Variants in MAP2K5 observed in about 807,000 individuals in gnomAD.
MAP2K5 encodes mitogen-activated protein kinase kinase 5.
MAP2K5 carries 49 observed loss-of-function variants against 83.1 expected under a neutral mutation model. The observed-to-expected ratio is 0.59, with a 90% CI of 0.47 to 0.75. MAP2K5 has a LOEUF of 0.75. MAP2K5 is among the 30% of genes least tolerant of loss of function. MAP2K5 has a pLI of 0.00. For missense variants in MAP2K5, 457 were observed against 557.5 expected, an observed-to-expected ratio of 0.82 and a Z score of 1.82; for synonymous variants, 202 against 191.8, an observed-to-expected ratio of 1.05 and a Z score of -0.44.
intron 15 of MAP2K5, among the ~76,000 whole-genome samples, chr15:67,696,112 G>A (rs551629544): frequency 2.2e-5 from 3 of 135,312 alleles, no homozygotes; most frequent in African/African-American, 8.4e-5. Context: ...AGTCTCTTGA[G>A]AGAAAAGAGC....
At chr15:67,718,682 T>A (rs1226376543) in intron 16 of MAP2K5, among the ~76,000 whole-genome samples, 1 of 152,144 alleles carries the variant, frequency 6.6e-6, no homozygotes, top group Non-Finnish European at 1.5e-5. Context: ...GAGAATCGCT[T>A]GAACCTGAGA....
chr15:67,598,854 T>G (rs1414925090), intron 7 of MAP2K5, among the ~76,000 whole-genome samples: 1 of 152,176 alleles, frequency 6.6e-6, no homozygotes, highest in Non-Finnish European at 1.5e-5. Flanking sequence ...CTTGAGTGAG[T>G]GAAATGTCTC....
chr15:67,696,493 G>A (rs2088264215), intron 15 of MAP2K5, among the ~76,000 whole-genome samples: 1 of 152,164 alleles, frequency 6.6e-6, no homozygotes, highest in Non-Finnish European at 1.5e-5. Context: ...CTATGCCAGT[G>A]AAAGTTGTAT....
At chr15:67,624,589 TTGTGTGTGTGTGTGTGTGTGTGTGTGTG>T (rs71142388) in intron 8 of MAP2K5, among the ~76,000 whole-genome samples, 7 of 141,802 alleles carry the variant, frequency 4.9e-5, no homozygotes, top group Admixed American at 2.1e-4. Context: ...CACGATCTCT[TTGTGTGTGTGTGTGTGTGTGTGTGTGTG>T]TGTGTGTGTG....
At chr15:67,685,581 A>C (rs1201424291) in intron 13 of MAP2K5, among the ~76,000 whole-genome samples, 2 of 152,216 alleles carry the variant, frequency 1.3e-5, no homozygotes, top group Non-Finnish European at 2.9e-5. Flanking sequence ...ATTTAAAGGA[A>C]AAATAAAGAC....
chr15:67,656,949 CT>C (rs2087097897), intron 11 of MAP2K5, among the ~76,000 whole-genome samples: 1 of 152,180 alleles, frequency 6.6e-6, no homozygotes, highest in African/African-American at 2.4e-5. Context: ...AACAGGAACT[CT>C]TAATCCTGAG....
rs1678497801 is a variant in MAP2K5 at position 67,775,557 on chromosome 15, C to T, written c.1242+2805C>T. ...CCATTGTGCACAGTCTTGTTCTAGA[C>T]TCAGCAGAAGATATAAAGTAGAGGA... On this transcript the variant is annotated intron_variant, in intron 21 of 21. Transcript: ENST00000178640. This position sits in a 1 kb window ranked among gnomAD's most constrained non-coding sequence, Gnocchi z 5.3. Among the ~76,000 whole-genome samples the T allele has an allele frequency of 6.6e-6, 1 of 152,176 alleles. No homozygotes were observed. Among genetic ancestry groups the T allele is most frequent in the Admixed American group, 6.5e-5 (1 of 15,282 alleles).
intron 2 of MAP2K5, among the ~76,000 whole-genome samples, chr15:67,550,786 T>G (rs1456726447): frequency 6.6e-6 from 1 of 151,960 alleles, no homozygotes; most frequent in African/African-American, 2.4e-5. Context: ...TCTTTTTTTT[T>G]TTTGCCGCAG....
chr15:67,628,701 G>A (rs2086385402), intron 8 of MAP2K5: 7 of 845,712 alleles, frequency 8.3e-6, no homozygotes, highest in Non-Finnish European at 1.4e-5. Context: ...GGTGAAGTTA[G>A]GAAAGCCCTG....
In MAP2K5 at chr15:67,793,166, C is replaced by T. The variant is rs187425762; in HGVS notation, c.1243-13480C>T. Among the ~76,000 whole-genome samples, 326 of 152,236 alleles carry T rather than the reference C, an allele frequency of 2.1e-3. 1 individual carries two copies. The highest frequency in any genetic ancestry group is 7.3e-3 in the African/African-American group (302 of 41,538). ...AAAGTTAAATTTACTTCCAGCTACT[C>T]GGGAAACTGAAACAGGATCATCTGA... On this transcript the variant is annotated intron_variant, in intron 21 of 21. Coordinates refer to ENST00000178640, the MANE Select transcript of MAP2K5 (RefSeq NM_145160.3). This position sits in a 1 kb window ranked among gnomAD's most constrained non-coding sequence, Gnocchi z 4.6.
chr15:67,594,072 G>A (rs894191586), intron 7 of MAP2K5, among the ~76,000 whole-genome samples: 6 of 152,164 alleles, frequency 3.9e-5, no homozygotes, highest in African/African-American at 1.2e-4. Context: ...TAGAAGAAAT[G>A]AAGTTGATCT....
In MAP2K5 at chr15:67,543,584, T is replaced by C. The variant is rs969534150; in HGVS notation, c.135+114T>C. 1 of 1,237,934 alleles carries C rather than the reference T, an allele frequency of 8.1e-7. No individual in the cohort carries two copies. Among genetic ancestry groups the C allele is most frequent in the Non-Finnish European group, 1.1e-6 (1 of 871,816 alleles). 76.7% of individuals were successfully genotyped at this position (1,237,934 alleles called of 1,614,324 possible). On this transcript the variant is annotated intron_variant, in intron 1 of 21. Coordinates refer to ENST00000178640, the MANE Select transcript of MAP2K5 (RefSeq NM_145160.3). The surrounding 1 kb of genome is among the most constrained non-coding windows in gnomAD (Gnocchi z 4.3). ...GTGGCAATGGCTACTGCTGGCTTCC[T>C]GTGGAGGCAGTTTTATTGCTTCAGG...
At chr15:67,725,193 G>A (rs192177954) in intron 16 of MAP2K5, among the ~76,000 whole-genome samples, 1 of 152,244 alleles carries the variant, frequency 6.6e-6, no homozygotes, top group Non-Finnish European at 1.5e-5. Context: ...CTGTTGTCTT[G>A]CATGGCATTG....
intron 21 of MAP2K5, among the ~76,000 whole-genome samples, chr15:67,789,733 T>G (rs1216894547): frequency 6.6e-6 from 1 of 152,228 alleles, no homozygotes; most frequent in South Asian, 2.1e-4. Flanking sequence ...AAAAAGGATC[T>G]AATCATTTTA....
rs970137978 is a variant in MAP2K5, at chr15:67,552,319, G to A, written c.184+2237G>A. On this transcript the variant is annotated intron_variant, in intron 2 of 21. Coordinates refer to ENST00000178640, the MANE Select transcript of MAP2K5 (RefSeq NM_145160.3). The surrounding 1 kb of genome is among the most constrained non-coding windows in gnomAD (Gnocchi z 4.2). ...TGCAGTAACTCCTTGCAGGTTCCAC[G>A]GGTTTCATGGACAGTCTGATAGTTA... Among the ~76,000 whole-genome samples, 1 of 152,138 alleles carries A rather than the reference G, an allele frequency of 6.6e-6. No individual in the cohort carries two copies. The highest frequency in any genetic ancestry group is 1.5e-5 in the Non-Finnish European group (1 of 68,022).
In MAP2K5 at chr15:67,782,663, G is replaced by C. The variant is rs1425621012; in HGVS notation, c.1242+9911G>C. On this transcript the variant is annotated intron_variant, in intron 21 of 21. Coordinates refer to ENST00000178640, the MANE Select transcript of MAP2K5 (RefSeq NM_145160.3). This position sits in a 1 kb window ranked among gnomAD's most constrained non-coding sequence, Gnocchi z 4.9. The stretch of plus-strand genomic sequence containing the variant: ...GTTTCAATCAACCCCTGTGCTCACA[G>C]CCTGCTCCAGTTTCTAATTTTTAAA... Among the ~76,000 whole-genome samples the C allele has an allele frequency of 6.6e-6, 1 of 152,144 alleles. No individual in the cohort carries two copies. The highest frequency in any genetic ancestry group is 1.5e-5 in the Non-Finnish European group (1 of 68,022).
At chr15:67,806,572 G>A (rs1328731171) in intron 21 of MAP2K5, 74 bp from the exon 22 acceptor site, 1 of 1,303,980 alleles carries the variant, frequency 7.7e-7, no homozygotes, top group African/African-American at 1.5e-5. Context: ...CCAGGCTGAG[G>A]GCAGGCCCTG....
Position 67,790,931 on chromosome 15 carries a change from A to T in MAP2K5, c.1243-15715A>T, listed in dbSNP as rs981423508. 1.3e-5 allele frequency among the ~76,000 whole-genome samples: 2 copies of T among 152,156 alleles called. No individual in the cohort carries two copies. Among genetic ancestry groups the T allele is most frequent in the African/African-American group, 4.8e-5 (2 of 41,436 alleles). ...AGGTTGATGCTGTTCTCCATATTTTACAGAAGACGAGTCAGAGCTAGGGGG... is the reference window on the plus strand; with the variant it reads ...AGGTTGATGCTGTTCTCCATATTTTTCAGAAGACGAGTCAGAGCTAGGGGG... On this transcript the variant is annotated intron_variant, in intron 21 of 21. Coordinates refer to ENST00000178640, the MANE Select transcript of MAP2K5 (RefSeq NM_145160.3). The surrounding 1 kb of genome is among the most constrained non-coding windows in gnomAD (Gnocchi z 4.6).
chr15:67,681,989 T>C (rs944471108), intron 13 of MAP2K5, among the ~76,000 whole-genome samples: 49 of 152,236 alleles, frequency 3.2e-4, no homozygotes, highest in African/African-American at 1.2e-3. Context: ...TTTCTGTGCT[T>C]TGCTTACAGA....
Sources: gnomAD v4.1 joint callset for allele counts (sites outside exome capture counted in the v4.1 genomes callset) on GRCh38, gnomAD v4.1.1 for gene constraint, Gnocchi (gnomAD v3.1) non-coding constraint, MANE v1.5 for transcripts, NCBI Gene and HGNC (gene_info 2026-07-23, HGNC 2026-07-21) for gene names.